Variants in FOXP2 observed in about 807,000 individuals in gnomAD.
FOXP2 encodes the protein forkhead box P2, also known as forkhead box protein P2.
In FOXP2, 12 loss-of-function variants were observed where a neutral mutation model predicts 115.8. The observed-to-expected ratio is 0.10, with a 90% CI of 0.07 to 0.17. The LOEUF is 0.17. FOXP2 is among the 10% of genes least tolerant of loss of function. FOXP2 has a pLI of 1.00. For missense variants in FOXP2, 629 were observed against 843.5 expected, an observed-to-expected ratio of 0.75 and a Z score of 3.15; for synonymous variants, 328 against 297.7, an observed-to-expected ratio of 1.10 and a Z score of -1.05.
intron 2 of FOXP2, among the ~76,000 whole-genome samples, chr7:114,315,168 C>G (rs1401203394): frequency 6.6e-6 from 1 of 152,120 alleles, no homozygotes; most frequent in African/African-American, 2.4e-5. Context: ...CATTTCCTCT[C>G]TGGGAATTTT....
chr7:114,160,873 A>C (rs145466693), upstream of FOXP2, among the ~76,000 whole-genome samples: 31 of 152,056 alleles, frequency 2.0e-4, no homozygotes, highest in African/African-American at 6.8e-4. Context: ...TTTTAGCCAC[A>C]CTAAAGCTAT....
intron 2 of FOXP2, among the ~76,000 whole-genome samples, chr7:114,337,995 A>T (rs1394681427): frequency 6.6e-6 from 1 of 151,246 alleles, no homozygotes; most frequent in Non-Finnish European, 1.5e-5. Context: ...GACTATAAAT[A>T]CTCAAATATT....
At chr7:114,632,861 T>C (rs986786612) in intron 6 of FOXP2, among the ~76,000 whole-genome samples, 6 of 152,116 alleles carry the variant, frequency 3.9e-5, no homozygotes, top group Non-Finnish European at 5.9e-5. Flanking sequence ...ATAAATATTC[T>C]AAAGAAAATT....
intron 2 of FOXP2, among the ~76,000 whole-genome samples, chr7:114,455,434 G>A (rs1347964719): frequency 6.6e-6 from 1 of 152,186 alleles, no homozygotes; most frequent in East Asian, 1.9e-4. Flanking sequence ...GTTTACTAAT[G>A]ATTTTCAGGC....
At chr7:114,633,425 C>T (rs974467607) in intron 6 of FOXP2, among the ~76,000 whole-genome samples, 10 of 151,832 alleles carry the variant, frequency 6.6e-5, no homozygotes, top group African/African-American at 2.4e-4. Flanking sequence ...GAGAAAATGG[C>T]GAACATTTAG....
At chr7:114,669,256 G>A (rs1464690934) in intron 16 of FOXP2, 2 of 151,958 alleles carry the variant, frequency 1.3e-5, no homozygotes, top group East Asian at 1.9e-4. Context: ...GAATGTTTAA[G>A]GGGATTTCAG....
rs1019845130 is a variant in FOXP2, at chr7:114,690,849, C to T, written c.*923C>T. On this transcript the variant is annotated 3_prime_UTR_variant, in exon 17 of 17. Coordinates refer to ENST00000350908, the MANE Select transcript of FOXP2 (RefSeq NM_014491.4). ...TCAATTAGTACAAAGGAACCTTTTC[C>T]ATGAACTACCTGCTGTTTTCTGATG... is the stretch of plus-strand genomic sequence containing the variant. 3 of 454,376 alleles carry T rather than the reference C, an allele frequency of 6.6e-6. No individual in the cohort carries two copies. The highest frequency in any genetic ancestry group is 3.1e-5 in the South Asian group (2 of 64,480). The allele number at this position is 454,376 out of a possible 1,614,324, so 28.1% of individuals were successfully genotyped here. A position where few individuals can be genotyped will look rare whatever the true frequency, so the allele number is the denominator to read the frequency against.
At chr7:114,619,261 T>C (rs1371097047) in intron 3 of FOXP2, among the ~76,000 whole-genome samples, 3 of 152,152 alleles carry the variant, frequency 2.0e-5, no homozygotes, top group Admixed American at 1.3e-4. Flanking sequence ...CTGTAAATAC[T>C]AGTTATATTA....
Position 114,468,805 on chromosome 7 carries a change from A to G in FOXP2, c.168+42126A>G, listed in dbSNP as rs147481941. ...AACTACTGTGAGCTTTTTAAGACTC[A>G]GGATTATTCAACTTCCAATTCTCAT... On this transcript the variant is annotated intron_variant, in intron 2 of 16. Coordinates refer to ENST00000350908, the MANE Select transcript of FOXP2 (RefSeq NM_014491.4). Among the ~76,000 whole-genome samples, 25 of 152,298 alleles carry G rather than the reference A, an allele frequency of 1.6e-4. No homozygotes were observed. In the East Asian group the frequency reaches 3.9e-3, roughly 24 times the overall value.
At chr7:114,639,293 C>T (rs999081908) in intron 6 of FOXP2, among the ~76,000 whole-genome samples, 3 of 152,098 alleles carry the variant, frequency 2.0e-5, no homozygotes, top group African/African-American at 7.2e-5. Flanking sequence ...ACAAAACTTC[C>T]ATGTGGGCAC....
chr7:114,093,241 A>C (rs1045991757), intron 1 of FOXP2, among the ~76,000 whole-genome samples: 9 of 152,158 alleles, frequency 5.9e-5, no homozygotes, highest in African/African-American at 2.2e-4. Flanking sequence ...CTCTGGAATG[A>C]TCTATCCTCC....
chr7:114,553,741 C>A (rs1228614376), intron 3 of FOXP2, among the ~76,000 whole-genome samples: 1 of 151,946 alleles, frequency 6.6e-6, no homozygotes, highest in African/African-American at 2.4e-5. Flanking sequence ...CAAGCTGGAT[C>A]CTTTAAAAGA....
intron 2 of FOXP2, among the ~76,000 whole-genome samples, chr7:114,329,660 ATTTATTTATTTATTTAT>A (rs956488780): frequency 3.5e-5 from 1 of 28,368 alleles, no homozygotes; most frequent in African/African-American, 9.9e-5. Flanking sequence ...TTATTTATTT[ATTTATTTATTTATTTAT>A]TTATTTATTT....
At chr7:114,546,123 C>T (rs1226956690) in intron 3 of FOXP2, among the ~76,000 whole-genome samples, 1 of 152,154 alleles carries the variant, frequency 6.6e-6, no homozygotes, top group Admixed American at 6.5e-5. Context: ...CTCTTTTCTC[C>T]TAGGCTCCAG....
intron 1 of FOXP2, among the ~76,000 whole-genome samples, chr7:114,172,539 A>AT (rs1793175990): frequency 6.6e-6 from 1 of 152,192 alleles, no homozygotes; most frequent in African/African-American, 2.4e-5. Context: ...TTAGGGGTTC[A>AT]TCAGTTGTGG....
chr7:114,269,183 A>G (rs1392861334), intron 1 of FOXP2, among the ~76,000 whole-genome samples: 22 of 152,174 alleles, frequency 1.4e-4, no homozygotes, highest in Admixed American at 1.4e-3. Flanking sequence ...GTCCTCATGA[A>G]GGTATATAGC....
At chr7:114,458,133 T>G (rs1795399810) in intron 2 of FOXP2, among the ~76,000 whole-genome samples, 1 of 152,126 alleles carries the variant, frequency 6.6e-6, no homozygotes, top group Admixed American at 6.5e-5. Context: ...CAAAACAACT[T>G]AAACTAAAAT....
intron 2 of FOXP2, among the ~76,000 whole-genome samples, chr7:114,390,481 C>A (rs974499098): frequency 6.6e-6 from 1 of 151,760 alleles, no homozygotes; most frequent in South Asian, 2.1e-4. Flanking sequence ...GCCAAATCCA[C>A]GTACATGTTT....
At chr7:114,615,951 C>T (rs1304612868) in intron 3 of FOXP2, among the ~76,000 whole-genome samples, 1 of 152,096 alleles carries the variant, frequency 6.6e-6, no homozygotes, top group Non-Finnish European at 1.5e-5. Flanking sequence ...CTAAGATGAT[C>T]CTCTTTGTTT....
Sources: gnomAD v4.1 joint callset for allele counts (sites outside exome capture counted in the v4.1 genomes callset) on GRCh38, gnomAD v4.1.1 for gene constraint, MANE v1.5 for transcripts, NCBI Gene and HGNC (gene_info 2026-07-23, HGNC 2026-07-21) for gene names.